The following FBN1 variants were observed in gnomAD, a reference collection of about 807,000 sequenced individuals.
FBN1 encodes fibrillin 1.
A neutral mutation model predicts 365.1 loss-of-function variants in FBN1; 29 were observed. The observed-to-expected ratio is 0.08, with a 90% CI of 0.06 to 0.11. The LOEUF (loss-of-function observed/expected upper bound fraction) is 0.11, where lower values mean the gene tolerates loss of function less well. Among genes scored for constraint, FBN1 ranks in the 10% least tolerant of loss-of-function variants. The pLI is 1.00. For synonymous variants in FBN1, 1,210 were observed against 1,270.5 expected (o/e 0.95, Z 1.01); for missense variants, 2,476 against 3,703.2 (o/e 0.67, Z 8.60).
At chr15:48,605,132 G>A (rs965773345) in intron 4 of FBN1, among the ~76,000 whole-genome samples, 1 of 152,122 alleles carries the variant, frequency 6.6e-6, no homozygotes, top group Non-Finnish European at 1.5e-5. Context: ...AATCCTAAAA[G>A]GTTTTGTAAA....
chr15:48,437,621 G>T, intron 51 of FBN1, 147 bp downstream of exon 51: 1 of 967,322 alleles, frequency 1.0e-6, no homozygotes, highest in Non-Finnish European at 1.6e-6. Flanking sequence ...CCAAGCTCCT[G>T]AGATAAAATA....
intron 6 of FBN1, among the ~76,000 whole-genome samples, chr15:48,553,782 A>T (rs936168013): frequency 5.3e-5 from 8 of 152,168 alleles, no homozygotes; most frequent in African/African-American, 1.9e-4. Context: ...TTAATACAGG[A>T]AATTCCATAA....
intron 22 of FBN1, among the ~76,000 whole-genome samples, chr15:48,494,795 A>C (rs541154653): frequency 2.2e-4 from 33 of 152,358 alleles, no homozygotes; most frequent in African/African-American, 7.5e-4. Flanking sequence ...GTTTCTTTAC[A>C]TCAATTAGCT....
chr15:48,435,772 A>ATATATGTGTGTATATATATGTATG (rs1555395092), intron 53 of FBN1, among the ~76,000 whole-genome samples: 16 of 106,348 alleles, frequency 1.5e-4, no homozygotes, highest in African/African-American at 6.5e-4. Flanking sequence ...ATATGTGTAT[A>ATATATGTGTGTATATATATGTATG]TGTGTGTGTG....
chr15:48,463,316 T>C, intron 41 of FBN1, 76 bp from the exon 42 acceptor site: 5 of 1,362,438 alleles, frequency 3.7e-6, no homozygotes, highest in Non-Finnish European at 5.3e-6. Flanking sequence ...TCTAAGTGGA[T>C]ACTCAACAAG....
At chr15:48,603,410 A>T (rs1292592764) in intron 4 of FBN1, among the ~76,000 whole-genome samples, 2 of 152,240 alleles carry the variant, frequency 1.3e-5, no homozygotes, top group African/African-American at 4.8e-5. Context: ...TGGGGAATAA[A>T]GCATTCCGAT....
intron 55 of FBN1, among the ~76,000 whole-genome samples, chr15:48,432,527 C>T (rs1306305396): frequency 1.3e-5 from 2 of 152,086 alleles, no homozygotes; most frequent in East Asian, 1.9e-4. Flanking sequence ...ATTATGAGAA[C>T]GTATTTATAT....
chr15:48,560,879 C>A (rs990258639), intron 6 of FBN1, among the ~76,000 whole-genome samples: 9 of 152,036 alleles, frequency 5.9e-5, no homozygotes, highest in Non-Finnish European at 1.3e-4. Context: ...CCTGTGTGAC[C>A]CTCTCTAAAC....
At chr15:48,430,910 T>G in intron 55 of FBN1, 108 bp from the exon 56 acceptor site, 2 of 1,014,164 alleles carry the variant, frequency 2.0e-6, no homozygotes, top group South Asian at 1.3e-5. Flanking sequence ...TTTCATCTGT[T>G]ATTTCACTAC....
chr15:48,477,020 A>G (rs982005992), intron 32 of FBN1, among the ~76,000 whole-genome samples: 5 of 152,022 alleles, frequency 3.3e-5, no homozygotes, highest in African/African-American at 1.2e-4. Context: ...ACTTATAGAA[A>G]TACTCACTAA....
At chr15:48,420,126 A>G (rs961211564) in intron 63 of FBN1, among the ~76,000 whole-genome samples, 2 of 152,024 alleles carry the variant, frequency 1.3e-5, no homozygotes, top group African/African-American at 4.8e-5. Flanking sequence ...CAAAGATGAC[A>G]TCATTTCAAT....
At chr15:48,451,458 C>A (rs1200003662) in intron 45 of FBN1, among the ~76,000 whole-genome samples, 1 of 152,156 alleles carries the variant, frequency 6.6e-6, no homozygotes, top group Non-Finnish European at 1.5e-5. Context: ...CAAAACAAGT[C>A]TTGATTCTCA....
At chr15:48,491,088 A>C (rs1355029458) in intron 24 of FBN1, among the ~76,000 whole-genome samples, 3 of 152,172 alleles carry the variant, frequency 2.0e-5, no homozygotes, top group Non-Finnish European at 4.4e-5. Flanking sequence ...CCTAAATTAA[A>C]CACTGAAGCA....
intron 44 of FBN1, among the ~76,000 whole-genome samples, chr15:48,455,891 G>A (rs1289595455): frequency 6.6e-6 from 1 of 152,030 alleles, no homozygotes; most frequent in Non-Finnish European, 1.5e-5. Context: ...GTGCTCTAAG[G>A]GGTAATAACC....
chr15:48,456,495 G>T, intron 44 of FBN1, 142 bp downstream of exon 44: 1 of 833,832 alleles, frequency 1.2e-6, no homozygotes, highest in Non-Finnish European at 1.9e-6. Context: ...GAAATTTCAT[G>T]TTGTTCCACA....
chr15:48,572,523 T>TAAA (rs543563373), intron 6 of FBN1, among the ~76,000 whole-genome samples: 26 of 143,476 alleles, frequency 1.8e-4, no homozygotes, highest in African/African-American at 6.6e-4. Context: ...ATTAGTTTGT[T>TAAA]AAAAAAAAAA....
intron 2 of FBN1, among the ~76,000 whole-genome samples, chr15:48,621,947 G>C (rs1188491634): frequency 6.6e-6 from 1 of 151,064 alleles, no homozygotes; most frequent in Admixed American, 6.6e-5. Context: ...GCAGTGAGCC[G>C]AGATTGTGCC....
chr15:48,510,404 A>C (rs552823924), intron 13 of FBN1, among the ~76,000 whole-genome samples: 5 of 152,232 alleles, frequency 3.3e-5, no homozygotes, highest in Non-Finnish European at 7.3e-5. Context: ...ATTTCTAATA[A>C]GACTCCTTAA....
rs564038577 is a variant in FBN1, at chr15:48,502,173, C to T, written c.2113+1614G>A. Among the ~76,000 whole-genome samples the T allele has an allele frequency of 7.9e-5, 12 of 152,174 alleles. No homozygotes were observed. In the South Asian group the frequency reaches 1.9e-3, roughly 24 times the overall value. Reference sequence around the variant, plus strand: ...CCTCCCGAGTAGCTGGGGTTATAGGCGCGCACCACCACGCATGACTTTTTG... The same window carrying T: ...CCTCCCGAGTAGCTGGGGTTATAGGTGCGCACCACCACGCATGACTTTTTG... On this transcript the variant is annotated intron_variant, in intron 17 of 65. Transcript: ENST00000316623.
Sources: gnomAD v4.1 joint callset for allele counts (sites outside exome capture counted in the v4.1 genomes callset) on GRCh38, gnomAD v4.1.1 for gene constraint, MANE v1.5 for transcripts, NCBI Gene and HGNC (gene_info 2026-07-23, HGNC 2026-07-21) for gene names.